Variants in P3H2 observed in about 807,000 individuals in gnomAD.
The protein encoded by P3H2 is leprecan-like 1.
Under a neutral mutation model 87.0 loss-of-function variants are expected in P3H2, and 80 were observed. That is an observed-to-expected ratio of 0.92 (90% CI 0.77 to 1.11). The LOEUF (loss-of-function observed/expected upper bound fraction) is 1.11, where lower values mean the gene tolerates loss of function less well. Ranked by LOEUF, P3H2 falls within the 50% of genes least tolerant of loss-of-function variation. The pLI is 0.00. For missense variants in P3H2, 1,001 were observed against 923.9 expected (o/e 1.08, Z -1.08); for synonymous variants, 367 against 359.3 (o/e 1.02, Z -0.24).
rs574037700 is a variant in P3H2 at position 189,971,007 on chromosome 3, C to T, written c.1818-116G>A. 180 of 668,200 alleles carry T rather than the reference C, an allele frequency of 2.7e-4. No individual in the cohort carries two copies. The African/African-American group carries it at 3.1e-3, about 12-fold the overall frequency. 41.4% of individuals were successfully genotyped at this position (668,200 alleles called of 1,614,324 possible). On this transcript the variant is annotated intron_variant, in intron 12 of 14. Coordinates refer to ENST00000319332, the MANE Select transcript of P3H2 (RefSeq NM_018192.4). ...CCTCCATTAGTAAGTTTCCTTTGAA[C>T]TAGACATTGATATAATTGGTCCTCC...
At chr3:189,962,161 C>CTTTTTTTTTTTTTTTTTTTTTTT (rs770628547) in intron 14 of P3H2, among the ~76,000 whole-genome samples, 5 of 87,648 alleles carry the variant, frequency 5.7e-5, no homozygotes, top group African/African-American at 1.4e-4. Context: ...TCTTCTTCTT[C>CTTTTTTTTTTTTTTTTTTTTTTT]TTTTTTTTTT....
intron 13 of P3H2, among the ~76,000 whole-genome samples, chr3:189,966,251 A>T (rs1723004083): frequency 6.6e-6 from 1 of 152,066 alleles, no homozygotes; most frequent in Middle Eastern, 3.2e-3. Context: ...TGGGCTGCCC[A>T]CTCCCTGGTG....
intron 6 of P3H2, among the ~76,000 whole-genome samples, chr3:189,985,032 T>C (rs2108917287): frequency 6.6e-6 from 1 of 152,110 alleles, no homozygotes; most frequent in African/African-American, 2.4e-5. Context: ...AACATAATTT[T>C]AAAAGAATAA....
intron 1 of P3H2, among the ~76,000 whole-genome samples, chr3:190,111,320 T>C (rs913933509): frequency 7.9e-5 from 12 of 152,204 alleles, no homozygotes; most frequent in Non-Finnish European, 8.8e-5. Flanking sequence ...TTACAAATAG[T>C]GGTCAACGGC....
intron 1 of P3H2, among the ~76,000 whole-genome samples, chr3:190,056,613 T>C (rs1222948440): frequency 6.6e-6 from 1 of 152,220 alleles, no homozygotes; most frequent in Non-Finnish European, 1.5e-5. Flanking sequence ...TCTGGATTAA[T>C]CCATTCATCA....
intron 1 of P3H2, among the ~76,000 whole-genome samples, chr3:190,023,033 A>G (rs1269988577): frequency 2.6e-5 from 4 of 150,954 alleles, no homozygotes; most frequent in South Asian, 2.1e-4. Context: ...TCACCGTGTT[A>G]GCCAGGATGG....
At chr3:189,978,124 C>A (rs1353536306) in intron 8 of P3H2, among the ~76,000 whole-genome samples, 1 of 152,076 alleles carries the variant, frequency 6.6e-6, no homozygotes, top group African/African-American at 2.4e-5. Context: ...TGTAGATTCA[C>A]TGAAAAGCAT....
chr3:189,966,125 AAG>A (rs1491406792), intron 13 of P3H2, among the ~76,000 whole-genome samples: 5 of 33,476 alleles, frequency 1.5e-4, no homozygotes, highest in African/African-American at 5.6e-4. Context: ...AAGAAAGAAA[AAG>A]AAAGAAAGAA....
intron 12 of P3H2, 37 bp downstream of exon 12, chr3:189,971,853 G>T: frequency 8.0e-7 from 1 of 1,256,558 alleles, no homozygotes; most frequent in Non-Finnish European, 1.2e-6. Context: ...AAAACTGTTA[G>T]GTAAAAGCTT....
intron 1 of P3H2, among the ~76,000 whole-genome samples, chr3:190,071,494 C>T (rs1291803245): frequency 6.6e-6 from 1 of 152,114 alleles, no homozygotes; most frequent in Non-Finnish European, 1.5e-5. Flanking sequence ...CCACTATAAA[C>T]AGTAGCAGAA....
Position 189,995,388 on chromosome 3 carries a change from G to T in P3H2, c.535C>A (p.Pro179Thr). The T allele has an allele frequency of 1.2e-6, 2 of 1,613,990 alleles. No individual in the cohort carries two copies. Among genetic ancestry groups the T allele is most frequent in the East Asian group, 2.2e-5 (1 of 44,860 alleles). The change falls in exon 2 of 15, where the codon CCT becomes ACT. Residue 179 changes from proline (P) to threonine (T), a missense_variant. Coordinates refer to ENST00000319332, the MANE Select transcript of P3H2 (RefSeq NM_018192.4). ...TTCTGCTGCATTTCCATGTGCTCAG[G>T]GTTAGCCACGAAAAATGTGTGAGCT... ...EAAHTFFVAN[P>T]EHMEMQQNIE...
chr3:190,038,234 TAAA>T (rs140978961), intron 1 of P3H2, among the ~76,000 whole-genome samples: 101,590 of 132,048 alleles, frequency 0.77, 38,676 homozygotes, highest in East Asian at 0.85. Context: ...AGACTAGGTT[TAAA>T]AAAAAAAAAA....
At chr3:190,032,850 A>G (rs1666480) in intron 1 of P3H2, among the ~76,000 whole-genome samples, 121,806 of 151,474 alleles carry the variant, frequency 0.8, 49,015 homozygotes, top group East Asian at 0.86. Context: ...GTGAGGAGGT[A>G]GGGTAGGGCG....
At chr3:190,080,392 T>C (rs1255178270) in intron 1 of P3H2, among the ~76,000 whole-genome samples, 2 of 152,010 alleles carry the variant, frequency 1.3e-5, no homozygotes, top group Non-Finnish European at 2.9e-5. Flanking sequence ...GAGTGCTTTT[T>C]TCTTTTTCTT....
At chr3:190,035,640 T>C (rs1272079159) in intron 1 of P3H2, among the ~76,000 whole-genome samples, 1 of 152,222 alleles carries the variant, frequency 6.6e-6, no homozygotes, top group Non-Finnish European at 1.5e-5. Context: ...ACTTTTGCTC[T>C]TTTATTGATA....
At chr3:190,017,037 T>C (rs1363525135) in intron 1 of P3H2, among the ~76,000 whole-genome samples, 1 of 152,234 alleles carries the variant, frequency 6.6e-6, no homozygotes, top group Non-Finnish European at 1.5e-5. Flanking sequence ...TGAATGTTTT[T>C]ATCATGAGCT....
intron 1 of P3H2, among the ~76,000 whole-genome samples, chr3:190,118,919 C>T (rs1372753656): frequency 6.6e-6 from 1 of 151,276 alleles, no homozygotes; most frequent in Non-Finnish European, 1.5e-5. Flanking sequence ...ATGGTGAAAC[C>T]CCTTCGCTAC....
Position 189,994,131 on chromosome 3 carries a change from A to C in P3H2, c.786T>G (p.Tyr262Ter), listed in dbSNP as rs919133797. The C allele has an allele frequency of 1.9e-6, 3 of 1,613,666 alleles. No individual in the cohort carries two copies. Among genetic ancestry groups the C allele is most frequent in the Non-Finnish European group, 2.5e-6 (3 of 1,179,806 alleles). ...EGPQRFEEYEYLGYKAGLYEA... is the reference protein window; with the variant it reads ...EGPQRFEEYE ...CATACAGACCAGCCTTATACCCTAAATACTCATATTCTTCAAATCTCTGAG... is the reference window on the plus strand; with the variant it reads ...CATACAGACCAGCCTTATACCCTAACTACTCATATTCTTCAAATCTCTGAG... The change falls in exon 3 of 15, where the codon TAT becomes TAG. Residue 262 changes from tyrosine (Y) to a stop codon, truncating the protein, a stop_gained. Coordinates refer to ENST00000319332, the MANE Select transcript of P3H2 (RefSeq NM_018192.4). LOFTEE classifies it high-confidence loss of function.
upstream of P3H2, chr3:190,122,098 A>G (rs1712632404): frequency 6.8e-6 from 1 of 148,066 alleles, no homozygotes; most frequent in Admixed American, 6.7e-5. Context: ...AAAAAAACAA[A>G]GAAAAAGAAA....
Sources: gnomAD v4.1 joint callset for allele counts (sites outside exome capture counted in the v4.1 genomes callset) on GRCh38, gnomAD v4.1.1 for gene constraint, MANE v1.5 for transcripts, NCBI Gene and HGNC (gene_info 2026-07-23, HGNC 2026-07-21) for gene names.